The following MACROD2 variants were observed in gnomAD, a reference collection of about 807,000 sequenced individuals.
MACROD2 encodes ADP-ribose glycohydrolase MACROD2.
Under a neutral mutation model 70.4 loss-of-function variants are expected in MACROD2, and 36 were observed. The ratio of observed to expected loss-of-function variants is 0.51; its 90% CI spans 0.39 to 0.68. The LOEUF is 0.68. Ranked by LOEUF, MACROD2 falls within the 30% of genes least tolerant of loss-of-function variation. The pLI is 0.00. For synonymous variants in MACROD2, 172 were observed against 178.8 expected (o/e 0.96, Z 0.30); for missense variants, 496 against 538.4 (o/e 0.92, Z 0.78).
At chr20:15,004,344 T>C (rs2075019185) in intron 5 of MACROD2, among the ~76,000 whole-genome samples, 1 of 152,152 alleles carries the variant, frequency 6.6e-6, no homozygotes. Flanking sequence ...CAGAAACAAG[T>C]CATAAAAGTA....
At chr20:14,450,420 A>T (rs2084232718) in intron 3 of MACROD2, among the ~76,000 whole-genome samples, 1 of 152,094 alleles carries the variant, frequency 6.6e-6, no homozygotes, top group Non-Finnish European at 1.5e-5. Flanking sequence ...ATGAGGAGAG[A>T]GAAAAGGAGT....
At chr20:14,122,305 G>T (rs751050718) in intron 3 of MACROD2, among the ~76,000 whole-genome samples, 16 of 152,150 alleles carry the variant, frequency 1.1e-4, no homozygotes, top group Non-Finnish European at 1.8e-4. Flanking sequence ...GAGACAATAA[G>T]ATTTTTAGAG....
At chr20:14,298,843 T>G (rs950834326) in intron 3 of MACROD2, among the ~76,000 whole-genome samples, 3 of 152,162 alleles carry the variant, frequency 2.0e-5, no homozygotes, top group Admixed American at 2.0e-4. Context: ...GCAGGAGAAC[T>G]AGAACTAGAA....
chr20:15,022,440 A>G (rs991708462), intron 5 of MACROD2, among the ~76,000 whole-genome samples: 2 of 152,206 alleles, frequency 1.3e-5, no homozygotes, highest in African/African-American at 4.8e-5. Flanking sequence ...TTGTATCATT[A>G]AAGTTGGATA....
At chr20:14,561,383 A>C (rs576469911) in intron 4 of MACROD2, among the ~76,000 whole-genome samples, 5 of 151,984 alleles carry the variant, frequency 3.3e-5, no homozygotes, top group Admixed American at 2.6e-4. Context: ...AAACCACTGT[A>C]AGCTTAGGAA....
intron 3 of MACROD2, among the ~76,000 whole-genome samples, chr20:14,329,644 A>AG (rs2082797772): frequency 6.6e-6 from 1 of 152,142 alleles, no homozygotes; most frequent in East Asian, 1.9e-4. Context: ...AAAATGATAA[A>AG]ATGTTTAAAA....
intron 6 of MACROD2, among the ~76,000 whole-genome samples, chr20:15,328,453 G>A (rs752574280): frequency 6.6e-6 from 1 of 152,078 alleles, no homozygotes; most frequent in Non-Finnish European, 1.5e-5. Flanking sequence ...AATCCTTCTG[G>A]CAGTTAAATG....
At chr20:14,409,727 T>A (rs560580841) in intron 3 of MACROD2, among the ~76,000 whole-genome samples, 2 of 152,158 alleles carry the variant, frequency 1.3e-5, no homozygotes, top group Middle Eastern at 3.2e-3. Flanking sequence ...TTAGCTGCAC[T>A]TGCTCAGATG....
intron 5 of MACROD2, among the ~76,000 whole-genome samples, chr20:14,939,332 C>A (rs1031244867): frequency 6.6e-6 from 1 of 151,674 alleles, no homozygotes; most frequent in Non-Finnish European, 1.5e-5. Context: ...TTTCCTAGCA[C>A]CTTCATTGAA....
chr20:14,557,516 T>A (rs925661494), intron 4 of MACROD2, among the ~76,000 whole-genome samples: 1 of 151,930 alleles, frequency 6.6e-6, no homozygotes, highest in Admixed American at 6.6e-5. Context: ...AGTACTCATA[T>A]ACCTCATTAA....
chr20:15,443,122 T>C (rs2046517357), intron 7 of MACROD2, among the ~76,000 whole-genome samples: 1 of 152,176 alleles, frequency 6.6e-6, no homozygotes, highest in Admixed American at 6.6e-5. Context: ...CCCATTTCCA[T>C]AGAAATCCTT....
chr20:14,874,967 A>G (rs1284370441), intron 5 of MACROD2, among the ~76,000 whole-genome samples: 1 of 151,936 alleles, frequency 6.6e-6, no homozygotes, highest in Non-Finnish European at 1.5e-5. Context: ...GGCCTCCCAA[A>G]GTGCTGGGAT....
At chr20:14,407,415 T>TCC (rs1270396887) in intron 3 of MACROD2, among the ~76,000 whole-genome samples, 1 of 152,076 alleles carries the variant, frequency 6.6e-6, no homozygotes, top group Non-Finnish European at 1.5e-5. Flanking sequence ...TCTCTCTCTC[T>TCC]CCCACTCTCT....
At chr20:15,247,578 A>T (rs1278107278) in intron 6 of MACROD2, among the ~76,000 whole-genome samples, 1 of 152,208 alleles carries the variant, frequency 6.6e-6, no homozygotes, top group African/African-American at 2.4e-5. Flanking sequence ...TAGTGACTGT[A>T]TAATAACTGT....
chr20:14,640,819 A>G (rs532190163), intron 4 of MACROD2, among the ~76,000 whole-genome samples: 41 of 152,340 alleles, frequency 2.7e-4, no homozygotes, highest in Non-Finnish European at 4.0e-4. Context: ...GCTAGCAATC[A>G]TCTGAGCCTT....
chr20:15,494,996 G>T (rs79553121), intron 7 of MACROD2, among the ~76,000 whole-genome samples: 5,902 of 152,194 alleles, frequency 0.039, 378 homozygotes, highest in African/African-American at 0.13. Flanking sequence ...CTCCCTGCAT[G>T]CCTGACCCTA....
At chr20:14,620,071 A>C (rs951457915) in intron 4 of MACROD2, among the ~76,000 whole-genome samples, 1 of 152,140 alleles carries the variant, frequency 6.6e-6, no homozygotes, top group Non-Finnish European at 1.5e-5. Flanking sequence ...TGGTGACCAG[A>C]AAGTTGAGTA....
chr20:14,693,366 A>C (rs2071085003), intron 5 of MACROD2, among the ~76,000 whole-genome samples: 1 of 152,226 alleles, frequency 6.6e-6, no homozygotes, highest in African/African-American at 2.4e-5. Flanking sequence ...GAGGTCAGGC[A>C]CAAGCAAACA....
chr20:15,993,950 G>T (rs2066593851), intron 15 of MACROD2, among the ~76,000 whole-genome samples: 1 of 152,116 alleles, frequency 6.6e-6, no homozygotes, highest in Non-Finnish European at 1.5e-5. Context: ...CCCACAGAGG[G>T]ATTATCTGGA....
Sources: allele counts gnomAD v4.1 joint callset (sites outside exome capture counted in the v4.1 genomes callset), GRCh38; gene constraint gnomAD v4.1.1; transcripts MANE v1.5; gene names NCBI Gene and HGNC (gene_info 2026-07-23, HGNC 2026-07-21).